The following RADX variants were observed in gnomAD, a reference collection of about 807,000 sequenced individuals.
The protein encoded by RADX is RPA-related protein RADX.
In RADX, 36 loss-of-function variants were observed where a neutral mutation model predicts 61.6. The observed-to-expected ratio is 0.58, with a 90% CI of 0.45 to 0.77. RADX has a LOEUF of 0.77. Ranked by LOEUF, RADX falls within the 30% of genes least tolerant of loss-of-function variation. RADX has a pLI of 0.00. For missense variants in RADX, 497 were observed against 651.1 expected, an observed-to-expected ratio of 0.76 and a Z score of 2.58; for synonymous variants, 272 against 237.9, an observed-to-expected ratio of 1.14 and a Z score of -1.32.
intron 11 of RADX, among the ~76,000 whole-genome samples, chrX:106,653,222 G>A (rs1927845101): frequency 9.0e-6 from 1 of 110,953 alleles, no homozygotes; most frequent in African/African-American, 3.3e-5. Context: ...TAGTAAATAG[G>A]TGGGTAAAAT....
chrX:106,663,114 G>A (rs917720512), intron 12 of RADX, among the ~76,000 whole-genome samples: 1 of 111,703 alleles, frequency 9.0e-6, no homozygotes, highest in Admixed American at 9.5e-5. Flanking sequence ...TTAACTTAAT[G>A]ACCGAATAAT....
Position 106,662,293 on chromosome X carries a change from GT to G in RADX, c.2258del (p.Val753GlufsTer4). Reference sequence around the variant, plus strand: ...CGCCCGAAGCCTTGGACATTTTGAAGTAACCATACTAGGTAAGTTCACTGTT... The same window carrying G: ...CGCCCGAAGCCTTGGACATTTTGAAGAACCATACTAGGTAAGTTCACTGTT... ...KSARSLGHFE[V>X]TILGLNHEIA... On this transcript the variant is annotated frameshift_variant, in exon 12 of 14. Transcript: ENST00000372548. LOFTEE classifies it high-confidence loss of function. The G allele has an allele frequency of 1.7e-6, 2 of 1,203,147 alleles. No homozygotes were observed. The highest frequency in any genetic ancestry group is 2.2e-6 in the Non-Finnish European group (2 of 889,825).
intron 11 of RADX, among the ~76,000 whole-genome samples, chrX:106,651,545 T>C (rs1220081106): frequency 9.0e-6 from 1 of 111,287 alleles, no homozygotes; most frequent in East Asian, 2.8e-4. Context: ...TATTGGTAAA[T>C]ATAAATAAAT....
chrX:106,664,705 T>C (rs1928184500), intron 12 of RADX, among the ~76,000 whole-genome samples: 1 of 109,460 alleles, frequency 9.1e-6, no homozygotes, highest in African/African-American at 3.3e-5. Flanking sequence ...TCTCATACAG[T>C]CTCGGTGGGA....
chrX:106,643,555 CA>C (rs1927580278), intron 10 of RADX, among the ~76,000 whole-genome samples: 1 of 111,120 alleles, frequency 9.0e-6, no homozygotes, highest in Admixed American at 9.6e-5. Context: ...TATGGATATC[CA>C]GTTTTCCCAG....
chrX:106,645,354 T>C (rs755851970), intron 10 of RADX, among the ~76,000 whole-genome samples: 99 of 111,472 alleles, frequency 8.9e-4, no homozygotes, highest in Non-Finnish European at 1.7e-3. Context: ...GGTTGCTTAT[T>C]TGAAGTTTTT....
chrX:106,615,346 T>C (rs1054375248), intron 1 of RADX, among the ~76,000 whole-genome samples: 3 of 111,756 alleles, frequency 2.7e-5, no homozygotes, highest in Non-Finnish European at 5.6e-5. Context: ...AGGCAAGATT[T>C]GGCTTGTGGG....
chrX:106,620,681 G>GA lies in RADX; in HGVS notation c.644-1961dup, dbSNP rs949876674. On this transcript the variant is annotated intron_variant, in intron 1 of 13. Transcript: ENST00000372548. ...AGAGTGAGACTCCATCTTAACAAAA[G>GA]AAAAAAAAATAGCTCTTCAAGATCT... 7.4e-5 allele frequency among the ~76,000 whole-genome samples: 8 copies of GA among 107,540 alleles called. No individual in the cohort carries two copies. In the South Asian group the frequency reaches 1.2e-3, roughly 16 times the overall value. The allele number at this position is 107,540 out of a possible 115,157, so 93.4% of individuals were successfully genotyped here. A position where few individuals can be genotyped will look rare whatever the true frequency, so the allele number is the denominator to read the frequency against.
chrX:106,640,929 T>A lies in RADX; in HGVS notation c.1904+208T>A, dbSNP rs141388822. On this transcript the variant is annotated intron_variant, in intron 10 of 13. Transcript: ENST00000372548. Reference sequence around the variant, plus strand: ...AAGATCAAGGTGTCAACAGCATTGGTTCCCTCAGGGCTGCGAGAGAGAATC... The same window carrying A: ...AAGATCAAGGTGTCAACAGCATTGGATCCCTCAGGGCTGCGAGAGAGAATC... 4.9e-3 allele frequency among the ~76,000 whole-genome samples: 543 copies of A among 110,915 alleles called. 7 individuals carry two copies. The highest frequency in any genetic ancestry group is 0.017 in the African/African-American group (513 of 30,476).
chrX:106,658,604 G>A (rs1040649085), intron 11 of RADX, among the ~76,000 whole-genome samples: 17 of 111,977 alleles, frequency 1.5e-4, no homozygotes, highest in African/African-American at 4.5e-4. Context: ...TATAAATATA[G>A]CATATTAATA....
intron 1 of RADX, among the ~76,000 whole-genome samples, chrX:106,615,307 A>G (rs1926775801): frequency 8.9e-6 from 1 of 111,983 alleles, no homozygotes; most frequent in Non-Finnish European, 1.9e-5. Flanking sequence ...CCGTGTTGCA[A>G]TAGAACTTCA....
intron 11 of RADX, among the ~76,000 whole-genome samples, chrX:106,660,557 T>C (rs1271654371): frequency 8.9e-6 from 1 of 112,165 alleles, no homozygotes; most frequent in African/African-American, 3.2e-5. Flanking sequence ...TATGCTAGGA[T>C]AAGAATACCA....
chrX:106,620,217 G>A (rs1302563810), intron 1 of RADX, among the ~76,000 whole-genome samples: 1 of 111,924 alleles, frequency 8.9e-6, no homozygotes, highest in Non-Finnish European at 1.9e-5. Flanking sequence ...TTGCAGAAAT[G>A]CAAAACAATG....
chrX:106,656,222 A>G (rs1205253773), intron 11 of RADX, among the ~76,000 whole-genome samples: 2 of 112,227 alleles, frequency 1.8e-5, no homozygotes, highest in Non-Finnish European at 3.8e-5. Flanking sequence ...TCGTCCATTC[A>G]AGTTTTATGA....
Position 106,625,986 on chromosome X carries a change from A to G in RADX, c.979+704A>G, listed in dbSNP as rs147474690. Among the ~76,000 whole-genome samples, 8 of 111,759 alleles carry G rather than the reference A, an allele frequency of 7.2e-5. No homozygotes were observed. In the East Asian group the frequency reaches 1.9e-3, roughly 27 times the overall value. On this transcript the variant is annotated intron_variant, in intron 3 of 13. Coordinates refer to ENST00000372548, the MANE Select transcript of RADX (RefSeq NM_018015.6). The stretch of plus-strand genomic sequence containing the variant: ...GAAATTTAAAATTGATACAATACTA[A>G]TACCTAACCTATAGTCAGTATTCAA...
intron 11 of RADX, among the ~76,000 whole-genome samples, chrX:106,655,290 T>C (rs1251533117): frequency 1.0e-5 from 1 of 97,496 alleles, no homozygotes; most frequent in Non-Finnish European, 2.0e-5. Context: ...GCTGTGGCAG[T>C]TTCTTTTTCT....
intron 13 of RADX, 29 bp downstream of exon 13, chrX:106,669,359 C>CAA (rs1569429733): frequency 2.0e-6 from 2 of 1,016,820 alleles, no homozygotes; most frequent in African/African-American, 2.3e-5. Flanking sequence ...TCTTTTCACT[C>CAA]AGAAAAAAAA....
intron 1 of RADX, among the ~76,000 whole-genome samples, chrX:106,617,046 A>G (rs1270115242): frequency 8.9e-5 from 2 of 22,565 alleles, no homozygotes; most frequent in African/African-American, 3.9e-4. Flanking sequence ...TTTTTTTTTG[A>G]CAGAGTCTCA....
chrX:106,660,576 G>T (rs1488164497), intron 11 of RADX, among the ~76,000 whole-genome samples: 1 of 112,068 alleles, frequency 8.9e-6, no homozygotes, highest in Non-Finnish European at 1.9e-5. Flanking sequence ...CAGGACATAG[G>T]CAAGAAAGAA....
Sources: gnomAD v4.1 joint callset for allele counts (sites outside exome capture counted in the v4.1 genomes callset) on GRCh38, gnomAD v4.1.1 for gene constraint, MANE v1.5 for transcripts, NCBI Gene and HGNC (gene_info 2026-07-23, HGNC 2026-07-21) for gene names.